SORCS3: variants seen among roughly 807,000 people sequenced by gnomAD.
SORCS3 encodes VPS10 domain-containing receptor SorCS3.
SORCS3 carries 57 observed loss-of-function variants against 146.3 expected under a neutral mutation model. The ratio of observed to expected loss-of-function variants is 0.39; its 90% CI spans 0.31 to 0.49. The LOEUF (loss-of-function observed/expected upper bound fraction) is 0.49, where lower values mean the gene tolerates loss of function less well. Among genes scored for constraint, SORCS3 ranks in the 20% least tolerant of loss-of-function variants. SORCS3 has a pLI of 0.92. For missense variants in SORCS3, 1,341 were observed against 1,575.5 expected, an observed-to-expected ratio of 0.85 and a Z score of 2.52; for synonymous variants, 653 against 618.5, an observed-to-expected ratio of 1.06 and a Z score of -0.83.
chr10:105,015,056 A>G (rs2055157223), intron 4 of SORCS3, among the ~76,000 whole-genome samples: 1 of 152,228 alleles, frequency 6.6e-6, no homozygotes, highest in African/African-American at 2.4e-5. Context: ...AATCAATGCA[A>G]TGCAAATTAA....
chr10:104,789,622 A>G (rs1413518686), intron 1 of SORCS3, among the ~76,000 whole-genome samples: 2 of 152,252 alleles, frequency 1.3e-5, no homozygotes, highest in Non-Finnish European at 2.9e-5. Context: ...TGTAAAAACT[A>G]CAATTGCTAA....
chr10:104,866,376 AT>A (rs955651015), intron 2 of SORCS3, among the ~76,000 whole-genome samples: 1 of 151,636 alleles, frequency 6.6e-6, no homozygotes, highest in African/African-American at 2.4e-5. Context: ...GGGTCTAGGA[AT>A]TTTTTTTTAG....
rs1399614395 is a variant in SORCS3 at position 104,641,968 on chromosome 10, C to A, written c.627+14C>A. 4 of 1,247,462 alleles carry A rather than the reference C, an allele frequency of 3.2e-6. No homozygotes were observed. The highest frequency in any genetic ancestry group is 2.3e-4 in the Middle Eastern group (1 of 4,298). 77.3% of individuals were successfully genotyped at this position (1,247,462 alleles called of 1,614,324 possible). ...CACAACAGCAGCGTGAGTACCCACC[C>A]GGCGGCGGGTCCGCCTGTTTCCTGA... On this transcript the variant is annotated intron_variant, in intron 1 of 26. Transcript: ENST00000369701. This position sits in a 1 kb window ranked among gnomAD's most constrained non-coding sequence, Gnocchi z 6.4.
At chr10:104,905,046 G>A (rs144408242) in intron 2 of SORCS3, among the ~76,000 whole-genome samples, 1,858 of 152,232 alleles carry the variant, frequency 0.012, 44 homozygotes, top group African/African-American at 0.042. Flanking sequence ...TTCCTGCTTA[G>A]CCATTCAAAA....
chr10:105,261,007 T>C (rs2056957168), intron 25 of SORCS3, among the ~76,000 whole-genome samples: 1 of 152,214 alleles, frequency 6.6e-6, no homozygotes, highest in Admixed American at 6.5e-5. Context: ...AGGTAATTTA[T>C]TCATTGATTC....
At chr10:104,871,821 C>G (rs1402124772) in intron 2 of SORCS3, among the ~76,000 whole-genome samples, 1 of 152,088 alleles carries the variant, frequency 6.6e-6, no homozygotes, top group Non-Finnish European at 1.5e-5. Context: ...GCAGGGAGTT[C>G]CTGGGGTGAT....
chr10:104,994,176 A>C (rs1407705314), intron 4 of SORCS3, among the ~76,000 whole-genome samples: 1 of 152,214 alleles, frequency 6.6e-6, no homozygotes, highest in African/African-American at 2.4e-5. Context: ...TTTTGTTACC[A>C]TCTTTGCTAT....
chr10:105,123,846 A>G (rs1326897966), intron 7 of SORCS3, among the ~76,000 whole-genome samples: 2 of 152,166 alleles, frequency 1.3e-5, no homozygotes, highest in Non-Finnish European at 2.9e-5. Flanking sequence ...CATTTTGGAG[A>G]TTTTGGAGAT....
At chr10:104,809,371 G>A (rs1368713493) in intron 1 of SORCS3, among the ~76,000 whole-genome samples, 1 of 152,156 alleles carries the variant, frequency 6.6e-6, no homozygotes, top group Non-Finnish European at 1.5e-5. Flanking sequence ...GGGGTGCTAG[G>A]GAAGCCAGAC....
chr10:105,212,082 T>C (rs965588011), intron 17 of SORCS3, among the ~76,000 whole-genome samples: 3 of 152,214 alleles, frequency 2.0e-5, no homozygotes, highest in Non-Finnish European at 4.4e-5. Context: ...AAGTTATTCA[T>C]CTTCTTGATG....
chr10:104,890,263 C>T (rs373551449), intron 2 of SORCS3, among the ~76,000 whole-genome samples: 2 of 152,248 alleles, frequency 1.3e-5, no homozygotes, highest in South Asian at 2.1e-4. Context: ...TGCCCCACCC[C>T]CACACCTCCT....
chr10:104,717,499 G>A (rs1208303147), intron 1 of SORCS3, among the ~76,000 whole-genome samples: 1 of 152,060 alleles, frequency 6.6e-6, no homozygotes, highest in Non-Finnish European at 1.5e-5. Flanking sequence ...TGCTGTCTGT[G>A]TGAGCTGGTC....
chr10:104,982,219 T>G (rs1277401617), intron 4 of SORCS3, among the ~76,000 whole-genome samples: 1 of 152,170 alleles, frequency 6.6e-6, no homozygotes, highest in African/African-American at 2.4e-5. Flanking sequence ...ACGCAGGCTT[T>G]GCCAATTGGA....
At chr10:104,642,096 A>AT in intron 1 of SORCS3, 142 bp downstream of exon 1, 2 of 1,015,016 alleles carry the variant, frequency 2.0e-6, no homozygotes, top group South Asian at 3.4e-5. Context: ...GGTTTGTCCG[A>AT]TTCCCCCCAC....
At chr10:105,172,316 T>C (rs1295335319) in intron 13 of SORCS3, among the ~76,000 whole-genome samples, 1 of 152,226 alleles carries the variant, frequency 6.6e-6, no homozygotes, top group East Asian at 1.9e-4. Context: ...TGAGCATATG[T>C]TATTTATCTA....
chr10:104,911,255 T>A (rs1027000019), intron 2 of SORCS3, among the ~76,000 whole-genome samples: 1 of 152,202 alleles, frequency 6.6e-6, no homozygotes, highest in African/African-American at 2.4e-5. Flanking sequence ...CACTGTTGGT[T>A]CCATAGGCTC....
intron 1 of SORCS3, among the ~76,000 whole-genome samples, chr10:104,684,263 C>T (rs1291224704): frequency 6.6e-6 from 1 of 152,164 alleles, no homozygotes. Context: ...AAAGGAGGTG[C>T]CATTCATAAA....
chr10:105,102,046 T>C (rs1426213552), intron 6 of SORCS3, among the ~76,000 whole-genome samples: 1 of 152,182 alleles, frequency 6.6e-6, no homozygotes, highest in African/African-American at 2.4e-5. Context: ...CAGGCCACTC[T>C]TGGCTTTCTC....
At chr10:105,122,284 C>T (rs556272801) in intron 7 of SORCS3, among the ~76,000 whole-genome samples, 87 of 152,242 alleles carry the variant, frequency 5.7e-4, no homozygotes, top group Middle Eastern at 3.4e-3. Flanking sequence ...ACTCTATGAC[C>T]AGCTAATGGA....
Sources: gnomAD v4.1 joint callset for allele counts (sites outside exome capture counted in the v4.1 genomes callset) on GRCh38, gnomAD v4.1.1 for gene constraint, Gnocchi (gnomAD v3.1) non-coding constraint, MANE v1.5 for transcripts, NCBI Gene and HGNC (gene_info 2026-07-23, HGNC 2026-07-21) for gene names.